Variants in FOXN3 observed in about 807,000 individuals in gnomAD.
FOXN3 encodes forkhead box N3.
In FOXN3, 7 loss-of-function variants were observed where a neutral mutation model predicts 38.4. The observed-to-expected ratio is 0.18, with a 90% CI of 0.10 to 0.34. The LOEUF (loss-of-function observed/expected upper bound fraction) is 0.34. FOXN3 is among the 10% of genes least tolerant of loss of function. FOXN3 has a pLI of 1.00. For missense variants in FOXN3, 456 were observed against 613.4 expected, an observed-to-expected ratio of 0.74 and a Z score of 2.71; for synonymous variants, 230 against 242.2, an observed-to-expected ratio of 0.95 and a Z score of 0.47.
In FOXN3 at chr14:89,219,185, G is replaced by C. The variant is rs866363002; in HGVS notation, c.746-38379C>G. Among the ~76,000 whole-genome samples, 4 of 152,070 alleles carry C rather than the reference G, an allele frequency of 2.6e-5. No individual in the cohort carries two copies. In the East Asian group the frequency reaches 7.7e-4, roughly 29 times the overall value. ...GGTGGTGGGAGGTGACTGGATCATG[G>C]GGGTGGATGTCCCCATCTCGTGACA... On this transcript the variant is annotated intron_variant, in intron 4 of 5. Coordinates refer to ENST00000557258, the MANE Select transcript of FOXN3 (RefSeq NM_005197.4).
intron 4 of FOXN3, among the ~76,000 whole-genome samples, chr14:89,234,189 T>C (rs1955578620): frequency 2.0e-5 from 3 of 152,142 alleles, no homozygotes; most frequent in Non-Finnish European, 4.4e-5. Flanking sequence ...GTGTACTACG[T>C]GTATTAGTTC....
At chr14:89,211,114 C>T (rs751044954) in intron 4 of FOXN3, among the ~76,000 whole-genome samples, 50 of 152,312 alleles carry the variant, frequency 3.3e-4, no homozygotes, top group Non-Finnish European at 5.7e-4. Context: ...TACCTTTCAA[C>T]TAGAATATAC....
chr14:89,515,839 G>A (rs1208172452), intron 1 of FOXN3, among the ~76,000 whole-genome samples: 7 of 152,186 alleles, frequency 4.6e-5, no homozygotes, highest in Middle Eastern at 3.2e-3. Context: ...TGATGAAAGC[G>A]AAGGGTGCTG....
chr14:89,525,975 A>C (rs1894424784), intron 1 of FOXN3, among the ~76,000 whole-genome samples: 1 of 152,060 alleles, frequency 6.6e-6, no homozygotes, highest in African/African-American at 2.4e-5. Flanking sequence ...TAGAAAGATC[A>C]ATCAATAAAA....
chr14:89,468,679 C>T (rs368335628), intron 1 of FOXN3, among the ~76,000 whole-genome samples: 2 of 152,138 alleles, frequency 1.3e-5, no homozygotes, highest in African/African-American at 2.4e-5. Flanking sequence ...GTTATATCTT[C>T]GTACCCCCTC....
rs1428387467 is a variant in FOXN3, at chr14:89,192,726, ATAGT to A, written c.746-11924_746-11921del. Among the ~76,000 whole-genome samples, 28 of 145,938 alleles carry A rather than the reference ATAGT, an allele frequency of 1.9e-4. 1 individual carries two copies. In the Admixed American group the frequency reaches 1.9e-3, roughly 10 times the overall value. On this transcript the variant is annotated intron_variant, in intron 4 of 5. Transcript: ENST00000557258. ...GGTTAATAGTTTATACTATTATATA[ATAGT>A]TAATATATGTATACTATCATATATA...
At chr14:89,197,455 G>C (rs147506778) in intron 4 of FOXN3, among the ~76,000 whole-genome samples, 2 of 151,526 alleles carry the variant, frequency 1.3e-5, no homozygotes, top group Non-Finnish European at 2.9e-5. Flanking sequence ...GCAGTGAGCC[G>C]AGATGGTGCC....
At chr14:89,588,547 C>T (rs748038266) in intron 1 of FOXN3, among the ~76,000 whole-genome samples, 2 of 152,092 alleles carry the variant, frequency 1.3e-5, no homozygotes, top group Non-Finnish European at 2.9e-5. Flanking sequence ...CATCATGTTA[C>T]GTAGAGAGCT....
At chr14:89,343,398 T>C (rs997069313) in intron 3 of FOXN3, among the ~76,000 whole-genome samples, 1 of 151,842 alleles carries the variant, frequency 6.6e-6, no homozygotes, top group Non-Finnish European at 1.5e-5. Context: ...TGGTGAACAA[T>C]GACTGATAAC....
chr14:89,245,542 T>G (rs781105214), intron 4 of FOXN3, among the ~76,000 whole-genome samples: 107 of 152,094 alleles, frequency 7.0e-4, no homozygotes, highest in Non-Finnish European at 1.3e-3. Context: ...GTATTTCTTG[T>G]AGGATACTTC....
At chr14:89,225,712 C>T (rs560191587) in intron 4 of FOXN3, among the ~76,000 whole-genome samples, 4 of 152,172 alleles carry the variant, frequency 2.6e-5, no homozygotes, top group Non-Finnish European at 5.9e-5. Context: ...AAGCATCATC[C>T]GCTGACCTGA....
At chr14:89,478,952 T>TAAAAAAAAAAAAA (rs1893270351) in intron 1 of FOXN3, among the ~76,000 whole-genome samples, 1 of 46,688 alleles carries the variant, frequency 2.1e-5, no homozygotes, top group African/African-American at 6.1e-5. Context: ...AAAAAAAAAT[T>TAAAAAAAAAAAAA]ACCACAACAC....
At chr14:89,611,155 A>ACCCCAACCTAACTTCG (rs1896380090) in intron 1 of FOXN3, among the ~76,000 whole-genome samples, 1 of 152,150 alleles carries the variant, frequency 6.6e-6, no homozygotes, top group Non-Finnish European at 1.5e-5. Context: ...ATCAAGCTGA[A>ACCCCAACCTAACTTCG]CCCCAACCTA....
At chr14:89,326,132 T>G (rs958088662) in intron 3 of FOXN3, among the ~76,000 whole-genome samples, 1 of 152,238 alleles carries the variant, frequency 6.6e-6, no homozygotes, top group African/African-American at 2.4e-5. Flanking sequence ...CGCCAGGCAC[T>G]GTGTGGGCTC....
intron 1 of FOXN3, among the ~76,000 whole-genome samples, chr14:89,573,176 A>T (rs1319457205): frequency 6.6e-6 from 1 of 152,234 alleles, no homozygotes; most frequent in African/African-American, 2.4e-5. Context: ...TAAGTGATCC[A>T]GCCCCGATTA....
intron 1 of FOXN3, among the ~76,000 whole-genome samples, chr14:89,585,365 T>C (rs528325263): frequency 1.6e-4 from 25 of 152,352 alleles, no homozygotes; most frequent in Admixed American, 1.4e-3. Flanking sequence ...CATTTCTAAC[T>C]TTCTACCTTG....
chr14:89,259,423 T>C (rs1353046817), intron 4 of FOXN3, among the ~76,000 whole-genome samples: 1 of 152,202 alleles, frequency 6.6e-6, no homozygotes, highest in Non-Finnish European at 1.5e-5. Flanking sequence ...CAGAGCCAAA[T>C]TCATGACTGA....
rs573647130 is a variant in FOXN3 at position 89,484,412 on chromosome 14, C to T, written c.-14-71922G>A. On this transcript the variant is annotated intron_variant, in intron 1 of 6. Transcript: ENST00000345097. The surrounding 1 kb of genome is among the most constrained non-coding windows in gnomAD (Gnocchi z 4.0). ...ATAATCCAGAAATGAACAAACATGG[C>T]TCTGTTTCAATAACATTTTATTTAG... Among the ~76,000 whole-genome samples, 1 of 152,344 alleles carries T rather than the reference C, an allele frequency of 6.6e-6. No individual in the cohort carries two copies. The highest frequency in any genetic ancestry group is 2.1e-4 in the South Asian group (1 of 4,830).
At chr14:89,247,704 T>C (rs1596129613) in intron 4 of FOXN3, among the ~76,000 whole-genome samples, 1 of 152,214 alleles carries the variant, frequency 6.6e-6, no homozygotes, top group South Asian at 2.1e-4. Flanking sequence ...CCTGTCAACC[T>C]ACTCTGTTCT....
Sources: gnomAD v4.1 joint callset for allele counts (sites outside exome capture counted in the v4.1 genomes callset) on GRCh38, gnomAD v4.1.1 for gene constraint, Gnocchi (gnomAD v3.1) non-coding constraint, MANE v1.5 for transcripts, NCBI Gene and HGNC (gene_info 2026-07-23, HGNC 2026-07-21) for gene names.